LRRFIP2: variants seen among roughly 807,000 people sequenced by gnomAD.
LRRFIP2 encodes leucine-rich repeat flightless-interacting protein 2.
LRRFIP2 carries 109 observed loss-of-function variants against 125.9 expected under a neutral mutation model. The observed-to-expected ratio is 0.87, with a 90% CI of 0.74 to 1.01. The LOEUF is 1.01. Among genes scored for constraint, LRRFIP2 ranks in the 50% least tolerant of loss-of-function variants. The pLI, the probability that LRRFIP2 is intolerant of heterozygous loss-of-function variation, is 0.00. For missense variants in LRRFIP2, 850 were observed against 862.3 expected (o/e 0.99, Z 0.18); for synonymous variants, 291 against 293.1 (o/e 0.99, Z 0.07).
intron 24 of LRRFIP2, 66 bp from the exon 25 acceptor site, chr3:37,058,976 T>A: frequency 6.3e-7 from 1 of 1,597,948 alleles, no homozygotes; most frequent in Non-Finnish European, 8.5e-7. Context: ...GCTTATTCTA[T>A]GGTCACATCA....
At chr3:37,083,589 C>A in intron 19 of LRRFIP2, 47 bp downstream of exon 19, 1 of 1,374,682 alleles carries the variant, frequency 7.3e-7, no homozygotes, top group South Asian at 1.5e-5. Flanking sequence ...TTGTAAGTGG[C>A]AGGCTTTTAT....
Position 37,162,816 on chromosome 3 carries a change from C to T in LRRFIP2, c.-56+11723G>A, listed in dbSNP as rs532956795. On this transcript the variant is annotated intron_variant, in intron 1 of 27. Transcript: ENST00000336686. ...AATCCCCACAGCCTTTGGGGCACAT[C>T]CATTTAACATGAGATGTGCCTGGTC... is the stretch of plus-strand genomic sequence containing the variant. 5.7e-4 allele frequency among the ~76,000 whole-genome samples: 87 copies of T among 152,300 alleles called. 2 individuals are homozygous for T. In the South Asian group the frequency reaches 0.017, roughly 29 times the overall value.
chr3:37,054,310 GTTTCC>G, intron 27 of LRRFIP2, 96 bp downstream of exon 27: 1 of 951,216 alleles, frequency 1.1e-6, no homozygotes, highest in South Asian at 1.6e-5. Flanking sequence ...CTCCACTGCT[GTTTCC>G]TTAAGTATCA....
rs943313456 is a variant in LRRFIP2, at chr3:37,083,710, T to C, written c.1204A>G (p.Thr402Ala). The change falls in exon 19 of 28, where the codon ACA becomes GCA. Residue 402 changes from threonine (T) to alanine (A), a missense_variant. Transcript: ENST00000336686. ...TGCTCTTCAATAACATCCTTGAGTG[T>C]GTCTACTTGGTAGATCAAATTGTTC... ...EKNNLIYQVD[T>A]LKDVIEEQEE... 1 of 1,598,096 alleles carries C rather than the reference T, an allele frequency of 6.3e-7. No individual in the cohort carries two copies. The highest frequency in any genetic ancestry group is 1.8e-5 in the Admixed American group (1 of 56,504).
At chr3:37,058,963 G>A (rs542523994) in intron 24 of LRRFIP2, 53 bp from the exon 25 acceptor site, 35 of 1,606,270 alleles carry the variant, frequency 2.2e-5, no homozygotes, top group African/African-American at 6.7e-5. Context: ...AAATGAAGCC[G>A]ATGCTTATTC....
At chr3:37,142,997 CAACAGT>C (rs1372875938) in intron 2 of LRRFIP2, among the ~76,000 whole-genome samples, 3 of 152,140 alleles carry the variant, frequency 2.0e-5, no homozygotes, top group African/African-American at 7.2e-5. Flanking sequence ...GCTTTCAACA[CAACAGT>C]AAGTTCTCGT....
chr3:37,159,785 G>A (rs915634799), intron 1 of LRRFIP2, among the ~76,000 whole-genome samples: 1 of 150,454 alleles, frequency 6.6e-6, no homozygotes, highest in Non-Finnish European at 1.5e-5. Flanking sequence ...GGGATTACAG[G>A]CGTGAGCCAC....
At chr3:37,146,666 C>A (rs886731519) in intron 2 of LRRFIP2, among the ~76,000 whole-genome samples, 25 of 152,128 alleles carry the variant, frequency 1.6e-4, no homozygotes, top group African/African-American at 5.6e-4. Context: ...TATGGCTGCA[C>A]AATATTCCGT....
chr3:37,100,361 C>T (rs1274946317), intron 15 of LRRFIP2, among the ~76,000 whole-genome samples: 6 of 144,920 alleles, frequency 4.1e-5, no homozygotes, highest in Non-Finnish European at 6.0e-5. Context: ...TATATATATA[C>T]ACATACATAC....
rs1576776736 is a variant in LRRFIP2, at chr3:37,111,253, G to T, written c.439-188C>A. 2.0e-5 allele frequency among the ~76,000 whole-genome samples: 3 copies of T among 152,050 alleles called. No individual in the cohort carries two copies. The South Asian group carries it at 6.2e-4, about 32-fold the overall frequency. Reference sequence around the variant, plus strand: ...AATTATTTCAAGCCCCTAAAACAAAGACATTACTAAATTTTTAAATTTAAA... The same window carrying T: ...AATTATTTCAAGCCCCTAAAACAAATACATTACTAAATTTTTAAATTTAAA... On this transcript the variant is annotated intron_variant, in intron 8 of 27. Transcript: ENST00000336686.
chr3:37,158,283 T>C (rs1474084151), intron 1 of LRRFIP2, among the ~76,000 whole-genome samples: 1 of 152,134 alleles, frequency 6.6e-6, no homozygotes, highest in Non-Finnish European at 1.5e-5. Context: ...GACCAACAAT[T>C]ACATATTGCT....
intron 1 of LRRFIP2, among the ~76,000 whole-genome samples, chr3:37,154,992 CAT>C (rs752696256): frequency 6.6e-6 from 1 of 152,184 alleles, no homozygotes; most frequent in Non-Finnish European, 1.5e-5. Flanking sequence ...GAAAACATTT[CAT>C]AGTTATTCAT....
intron 1 of LRRFIP2, among the ~76,000 whole-genome samples, chr3:37,167,426 C>T (rs887420019): frequency 5.3e-5 from 8 of 151,840 alleles, no homozygotes; most frequent in Admixed American, 4.6e-4. Flanking sequence ...GAGGCCGAGG[C>T]GGGCAGATCA....
intron 2 of LRRFIP2, among the ~76,000 whole-genome samples, chr3:37,136,254 A>G (rs904469113): frequency 6.6e-6 from 1 of 152,228 alleles, no homozygotes; most frequent in Admixed American, 6.5e-5. Flanking sequence ...AAAGACAGAA[A>G]GTAGATTACT....
rs35451308 is a variant in LRRFIP2, at chr3:37,126,013, TTTG to T, written c.228+1614_228+1616del. Reference sequence around the variant, plus strand: ...CAACTCACACCAAAGAATCAGTTTTTTTGTTGTTGTTGTTGTTGTTTGTTTGTT... The same window carrying T: ...CAACTCACACCAAAGAATCAGTTTTTTTGTTGTTGTTGTTGTTTGTTTGTT... On this transcript the variant is annotated intron_variant, in intron 4 of 27. Coordinates refer to ENST00000336686, the MANE Select transcript of LRRFIP2 (RefSeq NM_006309.4). Among the ~76,000 whole-genome samples the T allele has an allele frequency of 1.1e-3, 172 of 151,380 alleles. 2 individuals are homozygous for T. Among genetic ancestry groups the T allele is most frequent in the African/African-American group, 3.5e-3 (143 of 41,252 alleles).
At chr3:37,082,237 A>T (rs2092703754) in intron 19 of LRRFIP2, among the ~76,000 whole-genome samples, 1 of 152,166 alleles carries the variant, frequency 6.6e-6, no homozygotes, top group South Asian at 2.1e-4. Flanking sequence ...GGCCTATGGG[A>T]TATATAAGAA....
intron 6 of LRRFIP2, among the ~76,000 whole-genome samples, chr3:37,115,712 G>A (rs1176412978): frequency 6.6e-6 from 1 of 152,176 alleles, no homozygotes; most frequent in African/African-American, 2.4e-5. Flanking sequence ...ACATACAGGT[G>A]TGACACTGAA....
chr3:37,118,031 A>G (rs1051002703), intron 6 of LRRFIP2, among the ~76,000 whole-genome samples: 9 of 152,194 alleles, frequency 5.9e-5, no homozygotes, highest in Non-Finnish European at 5.9e-5. Context: ...AATACATGCA[A>G]CAGTAAAAAT....
chr3:37,138,517 T>A (rs2095613624), intron 2 of LRRFIP2, among the ~76,000 whole-genome samples: 1 of 152,202 alleles, frequency 6.6e-6, no homozygotes, highest in South Asian at 2.1e-4. Flanking sequence ...AATAAGTGTA[T>A]TTCTTCAGGA....
Sources: gnomAD v4.1 joint callset for allele counts (sites outside exome capture counted in the v4.1 genomes callset) on GRCh38, gnomAD v4.1.1 for gene constraint, MANE v1.5 for transcripts, NCBI Gene and HGNC (gene_info 2026-07-23, HGNC 2026-07-21) for gene names.